EYS: variants seen among roughly 807,000 people sequenced by gnomAD.
The protein encoded by EYS is protein eyes shut homolog.
A neutral mutation model predicts 282.1 loss-of-function variants in EYS; 250 were observed. The ratio of observed to expected loss-of-function variants is 0.89; its 90% CI spans 0.80 to 0.98. The LOEUF (loss-of-function observed/expected upper bound fraction) is 0.98, where lower values mean the gene tolerates loss of function less well. EYS is among the 50% of genes least tolerant of loss of function. EYS has a pLI of 0.00. For missense variants in EYS, 4,016 were observed against 3,709.0 expected (o/e 1.08, Z -2.15); for synonymous variants, 1,355 against 1,282.9 (o/e 1.06, Z -1.20).
chr6:64,093,966 C>T (rs1046277664), intron 31 of EYS, among the ~76,000 whole-genome samples: 1 of 151,982 alleles, frequency 6.6e-6, no homozygotes, highest in Non-Finnish European at 1.5e-5. Flanking sequence ...TAGCATGAAG[C>T]GTTGTTGAAT....
At chr6:63,736,830 T>A (rs1768926077) in intron 41 of EYS, among the ~76,000 whole-genome samples, 1 of 151,856 alleles carries the variant, frequency 6.6e-6, no homozygotes, top group East Asian at 1.9e-4. Flanking sequence ...TTCCTAGGTA[T>A]TTTATTCTCT....
rs1432180638 is a variant in EYS at position 64,761,502 on chromosome 6, GATGGAGTCTC to G, written c.3443+51866_3443+51875del. Among the ~76,000 whole-genome samples the G allele has an allele frequency of 2.6e-5, 4 of 152,270 alleles. No homozygotes were observed. The East Asian group carries it at 5.8e-4, about 22-fold the overall frequency. Reference sequence around the variant, plus strand: ...TATTATTTTATTTATTTATTTTTGAGATGGAGTCTCACTCTGTGGCCAGGCTGGAATGCAA... The same window carrying G: ...TATTATTTTATTTATTTATTTTTGAGACTCTGTGGCCAGGCTGGAATGCAA... On this transcript the variant is annotated intron_variant, in intron 22 of 42. Coordinates refer to ENST00000503581, the MANE Select transcript of EYS (RefSeq NM_001142800.2).
At chr6:64,707,187 A>G (rs1172126090) in intron 22 of EYS, among the ~76,000 whole-genome samples, 1 of 152,018 alleles carries the variant, frequency 6.6e-6, no homozygotes, top group Non-Finnish European at 1.5e-5. Flanking sequence ...AAATAATGGC[A>G]TTTTCAGCAA....
chr6:64,328,795 G>A (rs1770526712), intron 29 of EYS, among the ~76,000 whole-genome samples: 1 of 152,180 alleles, frequency 6.6e-6, no homozygotes, highest in Admixed American at 6.5e-5. Flanking sequence ...GGTTTTGTGA[G>A]AAGATGTGGT....
chr6:64,388,589 G>A, intron 29 of EYS, 101 bp downstream of exon 29: 1 of 1,162,668 alleles, frequency 8.6e-7, no homozygotes, highest in Admixed American at 3.4e-5. Flanking sequence ...GGCCCCACTA[G>A]CCAGAAAATA....
chr6:64,926,712 G>A (rs767299413), intron 15 of EYS, among the ~76,000 whole-genome samples: 4 of 152,218 alleles, frequency 2.6e-5, no homozygotes, highest in Admixed American at 2.0e-4. Flanking sequence ...AGTTCACAGT[G>A]TGAATCTTTA....
chr6:64,205,817 A>ACG (rs1476161644), intron 31 of EYS, among the ~76,000 whole-genome samples: 4 of 141,550 alleles, frequency 2.8e-5, no homozygotes, highest in Non-Finnish European at 6.3e-5. Flanking sequence ...GCATTCATAC[A>ACG]CACACACACA....
intron 35 of EYS, among the ~76,000 whole-genome samples, chr6:63,872,368 G>A (rs1026281078): frequency 5.3e-5 from 8 of 151,678 alleles, no homozygotes; most frequent in African/African-American, 1.7e-4. Context: ...GTGCATGTGT[G>A]TGTGTATGTG....
At chr6:64,159,980 T>A (rs953353703) in intron 31 of EYS, among the ~76,000 whole-genome samples, 2 of 152,234 alleles carry the variant, frequency 1.3e-5, no homozygotes, top group African/African-American at 2.4e-5. Flanking sequence ...TGATTATTAT[T>A]CCTTTTACAA....
chr6:64,603,715 G>A (rs1766833757), intron 24 of EYS, among the ~76,000 whole-genome samples: 1 of 152,040 alleles, frequency 6.6e-6, no homozygotes, highest in African/African-American at 2.4e-5. Flanking sequence ...GTGGAGGTGA[G>A]TCAGTGGTCA....
At chr6:64,683,022 C>T (rs1318026326) in intron 22 of EYS, among the ~76,000 whole-genome samples, 4 of 152,144 alleles carry the variant, frequency 2.6e-5, no homozygotes, top group Non-Finnish European at 5.9e-5. Flanking sequence ...TAGGAGAGAG[C>T]ATGAGGATAT....
intron 15 of EYS, among the ~76,000 whole-genome samples, chr6:64,930,623 C>A (rs1342203965): frequency 1.3e-5 from 2 of 151,928 alleles, no homozygotes; most frequent in African/African-American, 4.8e-5. Context: ...AATTTTTAAA[C>A]ATTTTTATAA....
intron 41 of EYS, among the ~76,000 whole-genome samples, chr6:63,737,635 A>C (rs1282639364): frequency 6.6e-6 from 1 of 152,100 alleles, no homozygotes; most frequent in Non-Finnish European, 1.5e-5. Flanking sequence ...CTCTTTTTCT[A>C]TTGATTGGAA....
chr6:64,094,812 C>T (rs916573821), intron 31 of EYS, among the ~76,000 whole-genome samples: 2 of 152,062 alleles, frequency 1.3e-5, no homozygotes, highest in Non-Finnish European at 2.9e-5. Context: ...AATGTGTTTG[C>T]TCTTGCTTCT....
intron 19 of EYS, among the ~76,000 whole-genome samples, chr6:64,866,394 G>T (rs766032323): frequency 1.3e-5 from 2 of 151,840 alleles, no homozygotes; most frequent in Admixed American, 6.6e-5. Flanking sequence ...TTATTTGGTT[G>T]TCATTTTATA....
chr6:64,391,713 T>A (rs1773155371), intron 28 of EYS, among the ~76,000 whole-genome samples: 1 of 151,878 alleles, frequency 6.6e-6, no homozygotes, highest in South Asian at 2.1e-4. Context: ...AGAAACTGCA[T>A]CAACTAACGA....
chr6:65,169,540 C>G (rs745391843), intron 12 of EYS, among the ~76,000 whole-genome samples: 26 of 151,288 alleles, frequency 1.7e-4, no homozygotes, highest in Non-Finnish European at 3.3e-4. Context: ...CCAGATAAAG[C>G]CAAAATAAAT....
rs561732892 is a variant in EYS, at chr6:65,648,622, T to C, written c.-447-8730A>G. On this transcript the variant is annotated intron_variant, in intron 1 of 42. Coordinates refer to ENST00000503581, the MANE Select transcript of EYS (RefSeq NM_001142800.2). Reference sequence around the variant, plus strand: ...GGTACATTGTACACTGCTTGGGTGATGGGTGCACCAAAATCTCAGAAATCA... The same window carrying C: ...GGTACATTGTACACTGCTTGGGTGACGGGTGCACCAAAATCTCAGAAATCA... 2.0e-5 allele frequency among the ~76,000 whole-genome samples: 3 copies of C among 152,084 alleles called. No individual in the cohort carries two copies. The South Asian group carries it at 6.2e-4, about 32-fold the overall frequency.
chr6:65,062,054 T>C (rs963191447), intron 12 of EYS, among the ~76,000 whole-genome samples: 2 of 151,958 alleles, frequency 1.3e-5, no homozygotes, highest in Non-Finnish European at 2.9e-5. Context: ...TACCTATTCA[T>C]GTAATTGAAA....
Sources: gnomAD v4.1 joint callset for allele counts (sites outside exome capture counted in the v4.1 genomes callset) on GRCh38, gnomAD v4.1.1 for gene constraint, MANE v1.5 for transcripts, NCBI Gene and HGNC (gene_info 2026-07-23, HGNC 2026-07-21) for gene names.